Variants in NSD3 observed in about 807,000 individuals in gnomAD.
NSD3 encodes the protein histone-lysine N-methyltransferase NSD3.
NSD3 carries 24 observed loss-of-function variants against 160.8 expected under a neutral mutation model. The observed-to-expected ratio is 0.15, with a 90% CI of 0.11 to 0.21. The LOEUF is 0.21. Among genes scored for constraint, NSD3 ranks in the 10% least tolerant of loss-of-function variants. The pLI is 1.00. For missense variants in NSD3, 1,157 were observed against 1,735.9 expected (o/e 0.67, Z 5.93); for synonymous variants, 520 against 600.0 (o/e 0.87, Z 1.95).
chr8:38,321,885 T>C lies in NSD3; in HGVS notation c.1709-713A>G, dbSNP rs1231854574. ...AAGAGTACAATTCTTTAAAAGCGAA[T>C]TGAAGAAAACTCACATGGACCCCAT... On this transcript the variant is annotated intron_variant, in intron 7 of 23. Coordinates refer to ENST00000317025, the MANE Select transcript of NSD3 (RefSeq NM_023034.2). The surrounding 1 kb of genome is among the most constrained non-coding windows in gnomAD (Gnocchi z 4.7). 1.3e-5 allele frequency among the ~76,000 whole-genome samples: 2 copies of C among 152,206 alleles called. No individual in the cohort carries two copies. The highest frequency in any genetic ancestry group is 4.8e-5 in the African/African-American group (2 of 41,444).
chr8:38,316,687 G>A lies in NSD3; in HGVS notation c.1856-645C>T, dbSNP rs1276862546. On this transcript the variant is annotated intron_variant, in intron 9 of 23. Coordinates refer to ENST00000317025, the MANE Select transcript of NSD3 (RefSeq NM_023034.2). This position sits in a 1 kb window ranked among gnomAD's most constrained non-coding sequence, Gnocchi z 4.5. ...TTTAGAAGGCACATTGCTGAGGGCTGTAAATGGACAATCAGTGTTCAAGTG... is the reference window on the plus strand; with the variant it reads ...TTTAGAAGGCACATTGCTGAGGGCTATAAATGGACAATCAGTGTTCAAGTG... 6 of 1,054,952 alleles carry A rather than the reference G, an allele frequency of 5.7e-6. No homozygotes were observed. The Admixed American group carries it at 2.2e-4, about 38-fold the overall frequency. The allele number at this position is 1,054,952 out of a possible 1,614,324, so 65.3% of individuals were successfully genotyped here.
At chr8:38,341,681 G>A (rs1056377650) in intron 2 of NSD3, among the ~76,000 whole-genome samples, 1 of 152,212 alleles carries the variant, frequency 6.6e-6, no homozygotes, top group Admixed American at 6.6e-5. Flanking sequence ...GCTGTGCACA[G>A]TGGTTCACAC....
intron 1 of NSD3, among the ~76,000 whole-genome samples, chr8:38,368,952 A>T (rs1241874766): frequency 6.6e-6 from 1 of 152,140 alleles, no homozygotes; most frequent in Admixed American, 6.5e-5. Flanking sequence ...ATGGTTTGAG[A>T]TTGGTTCTTA....
Position 38,299,552 on chromosome 8 carries a change from A to C in NSD3, c.2650T>G (p.Ser884Ala). The change falls in exon 15 of 24, where the codon TCA becomes GCA. Residue 884 changes from serine (S) to alanine (A), a missense_variant. Transcript: ENST00000317025. ...VQDHSDPMFS[S>A]YAYKSHYLLN... Reference sequence around the variant, plus strand: ...AGGTAGTGGGACTTATAGGCATATGAACTGAACATGGGGTCTGAATGGTCC... The same window carrying C: ...AGGTAGTGGGACTTATAGGCATATGCACTGAACATGGGGTCTGAATGGTCC... 6.2e-7 allele frequency: 1 copy of C among 1,613,502 alleles called. No homozygotes were observed. The highest frequency in any genetic ancestry group is 8.5e-7 in the Non-Finnish European group (1 of 1,179,696).
At chr8:38,327,428 C>G (rs1809944222) in intron 6 of NSD3, among the ~76,000 whole-genome samples, 1 of 152,076 alleles carries the variant, frequency 6.6e-6, no homozygotes, top group African/African-American at 2.4e-5. Context: ...GATCTTGGCT[C>G]ACTGCAACCT....
rs1585881761 is a variant in NSD3, at chr8:38,317,824, G to GGATTAAA, written c.1855+1070_1855+1071insTTTAATC. 1 of 1,481,996 alleles carries GGATTAAA rather than the reference G, an allele frequency of 6.7e-7. No homozygotes were observed. Among genetic ancestry groups the GGATTAAA allele is most frequent in the Non-Finnish European group, 8.9e-7 (1 of 1,117,782 alleles). The allele number at this position is 1,481,996 out of a possible 1,614,324, so 91.8% of individuals were successfully genotyped here. A position where few individuals can be genotyped will look rare whatever the true frequency, so the allele number is the denominator to read the frequency against. On this transcript the variant is annotated intron_variant, in intron 9 of 23. Transcript: ENST00000317025. The surrounding 1 kb of genome is among the most constrained non-coding windows in gnomAD (Gnocchi z 5.3). ...AGAGTCTTGAAGAAGAAACCAGGCA[G>GGATTAAA]GAAAATGCCAATAATGATGATTGGC...
chr8:38,324,770 T>C (rs568059651), intron 7 of NSD3, among the ~76,000 whole-genome samples: 1 of 152,170 alleles, frequency 6.6e-6, no homozygotes, highest in East Asian at 1.9e-4. Flanking sequence ...CACCCCCCCA[T>C]CCTCCGAGAA....
intron 12 of NSD3, among the ~76,000 whole-genome samples, chr8:38,306,875 G>A (rs982814014): frequency 6.6e-6 from 1 of 152,212 alleles, no homozygotes; most frequent in East Asian, 1.9e-4. Context: ...AGCACTTTGG[G>A]AGGCCAAGGC....
chr8:38,314,909 T>C, intron 11 of NSD3, 136 bp from the exon 12 acceptor site: 1 of 830,876 alleles, frequency 1.2e-6, no homozygotes, highest in Non-Finnish European at 1.8e-6. Context: ...GCCCCAAGAA[T>C]GTGCATTTCT....
In NSD3 at chr8:38,315,691, A is replaced by G. The variant is rs1055427215; in HGVS notation, c.1987-147T>C. Reference sequence around the variant, plus strand: ...CTTCCTTTCTTTCCAAAATCCACAGATATCATAGGTCTGCTGTTTTGGGAA... The same window carrying G: ...CTTCCTTTCTTTCCAAAATCCACAGGTATCATAGGTCTGCTGTTTTGGGAA... On this transcript the variant is annotated intron_variant, in intron 10 of 23. Transcript: ENST00000317025. 1.6e-5 allele frequency: 21 copies of G among 1,282,062 alleles called. No individual in the cohort carries two copies. The African/African-American group carries it at 2.6e-4, about 16-fold the overall frequency. The allele number at this position is 1,282,062 out of a possible 1,614,324, so 79.4% of individuals were successfully genotyped here. A position where few individuals can be genotyped will look rare whatever the true frequency, so the allele number is the denominator to read the frequency against.
chr8:38,378,178 C>G (rs980723900), intron 1 of NSD3, among the ~76,000 whole-genome samples: 1 of 151,256 alleles, frequency 6.6e-6, no homozygotes, highest in African/African-American at 2.4e-5. Flanking sequence ...AAGAGTGAAA[C>G]TCCGTGTCAA....
At chr8:38,346,259 T>C (rs1051924471) in intron 2 of NSD3, among the ~76,000 whole-genome samples, 147 of 148,210 alleles carry the variant, frequency 9.9e-4, no homozygotes, top group African/African-American at 3.5e-3. Context: ...TAGCTTTAGA[T>C]GCTATGAAGA....
chr8:38,332,083 G>A (rs1810075076), intron 4 of NSD3, among the ~76,000 whole-genome samples: 1 of 152,046 alleles, frequency 6.6e-6, no homozygotes, highest in Non-Finnish European at 1.5e-5. Context: ...TATGCCACAT[G>A]CTCAGTTAAT....
intron 12 of NSD3, among the ~76,000 whole-genome samples, chr8:38,306,221 C>T (rs1809388443): frequency 6.6e-6 from 1 of 152,032 alleles, no homozygotes; most frequent in Non-Finnish European, 1.5e-5. Context: ...AATGGAACAT[C>T]ACTACCAATC....
chr8:38,331,344 T>G, intron 5 of NSD3, 87 bp downstream of exon 5: 1 of 1,363,348 alleles, frequency 7.3e-7, no homozygotes, highest in East Asian at 2.6e-5. Flanking sequence ...TTCTAATAAT[T>G]ATCTGAATTC....
intron 12 of NSD3, among the ~76,000 whole-genome samples, chr8:38,313,601 A>G (rs1476930432): frequency 1.3e-5 from 2 of 152,120 alleles, no homozygotes; most frequent in Admixed American, 1.3e-4. Context: ...ATCCTGGCTA[A>G]CATGGTGAAA....
chr8:38,329,726 G>A lies in NSD3; in HGVS notation c.1233C>T (p.Ala411=). Residue 411 remains alanine, a synonymous_variant, in exon 6 of 24, where the codon GCC becomes GCT. Coordinates refer to ENST00000317025, the MANE Select transcript of NSD3 (RefSeq NM_023034.2). The surrounding 1 kb of genome is among the most constrained non-coding windows in gnomAD (Gnocchi z 4.8). ...GGGTTTTTTTAACTTCGGTTTTGGA[G>A]GCAACACTCTTTTTTGCTTGGGATA... ...EALSQAKKSV[A]SKTEVKKTRR... 6.2e-7 allele frequency: 1 copy of A among 1,614,066 alleles called. No individual in the cohort carries two copies. The highest frequency in any genetic ancestry group is 8.5e-7 in the Non-Finnish European group (1 of 1,180,010).
chr8:38,359,623 A>G (rs1300938541), intron 1 of NSD3, among the ~76,000 whole-genome samples: 1 of 152,254 alleles, frequency 6.6e-6, no homozygotes, highest in Non-Finnish European at 1.5e-5. Flanking sequence ...CACTGAAAGC[A>G]GCTAGAATCG....
chr8:38,290,824 A>G (rs1415979474), intron 16 of NSD3, 147 bp from the exon 17 acceptor site: 3 of 680,026 alleles, frequency 4.4e-6, no homozygotes, highest in Non-Finnish European at 7.4e-6. Flanking sequence ...ATCATTATAA[A>G]AAGTAATTAA....
Sources: gnomAD v4.1 joint callset for allele counts (sites outside exome capture counted in the v4.1 genomes callset) on GRCh38, gnomAD v4.1.1 for gene constraint, Gnocchi (gnomAD v3.1) non-coding constraint, MANE v1.5 for transcripts, NCBI Gene and HGNC (gene_info 2026-07-23, HGNC 2026-07-21) for gene names.